SEMA3C: variants seen among roughly 807,000 people sequenced by gnomAD.
The protein encoded by SEMA3C is semaphorin-3C.
In SEMA3C, 47 loss-of-function variants were observed where a neutral mutation model predicts 89.4. That is an observed-to-expected ratio of 0.53 (90% confidence interval 0.42 to 0.67). SEMA3C has a LOEUF of 0.67. SEMA3C is among the 30% of genes least tolerant of loss of function. The pLI is 0.00. For missense variants in SEMA3C, 839 were observed against 929.1 expected (o/e 0.90, Z 1.26); for synonymous variants, 310 against 320.2 (o/e 0.97, Z 0.34).
chr7:80,786,861 T>C (rs973357166), intron 12 of SEMA3C, among the ~76,000 whole-genome samples: 5 of 152,252 alleles, frequency 3.3e-5, no homozygotes, highest in African/African-American at 4.8e-5. Context: ...AATACAAATA[T>C]GGGAGATTGG....
intron 2 of SEMA3C, among the ~76,000 whole-genome samples, chr7:80,846,022 T>A (rs905343766): frequency 1.3e-4 from 20 of 152,308 alleles, no homozygotes; most frequent in African/African-American, 4.8e-4. Flanking sequence ...AAATTTCATA[T>A]AGGTCATAGT....
chr7:80,827,390 GTGTTT>G, intron 4 of SEMA3C, 30 bp downstream of exon 4: 2 of 1,008,040 alleles, frequency 2.0e-6, no homozygotes, highest in Non-Finnish European at 2.7e-6. Context: ...ATTTAAGTTA[GTGTTT>G]TTTTTTTTTT....
intron 9 of SEMA3C, among the ~76,000 whole-genome samples, chr7:80,801,879 GT>G (rs1789217028): frequency 6.6e-6 from 1 of 151,982 alleles, no homozygotes. Context: ...CAACATAATG[GT>G]TTTTGATCAG....
intron 12 of SEMA3C, 49 bp downstream of exon 12, chr7:80,789,257 T>C: frequency 6.9e-7 from 1 of 1,449,428 alleles, no homozygotes; most frequent in Non-Finnish European, 9.5e-7. Context: ...CTATATTTAG[T>C]ACATTCTTTT....
chr7:80,777,057 G>A (rs910230070), intron 12 of SEMA3C, among the ~76,000 whole-genome samples: 4 of 151,738 alleles, frequency 2.6e-5, no homozygotes, highest in African/African-American at 9.7e-5. Context: ...CTAATCGCTA[G>A]GTTGTACACT....
chr7:80,842,570 C>T (rs1790294681), intron 2 of SEMA3C, among the ~76,000 whole-genome samples: 2 of 152,026 alleles, frequency 1.3e-5, no homozygotes, highest in Non-Finnish European at 2.9e-5. Context: ...AATGAGAAAC[C>T]ATGAGAAATC....
chr7:80,774,738 G>C (rs927455098), intron 12 of SEMA3C, among the ~76,000 whole-genome samples: 1 of 151,902 alleles, frequency 6.6e-6, no homozygotes, highest in Non-Finnish European at 1.5e-5. Context: ...GTTATCAAAC[G>C]GTCAACATAT....
At chr7:80,781,518 A>G (rs1331864569) in intron 12 of SEMA3C, among the ~76,000 whole-genome samples, 2 of 152,184 alleles carry the variant, frequency 1.3e-5, no homozygotes, top group African/African-American at 4.8e-5. Context: ...TCAATAAAAA[A>G]TTTTAAAAGC....
At chr7:80,792,957 A>G (rs1168000240) in intron 11 of SEMA3C, among the ~76,000 whole-genome samples, 1 of 152,234 alleles carries the variant, frequency 6.6e-6, no homozygotes, top group Non-Finnish European at 1.5e-5. Flanking sequence ...TTGCAAAATA[A>G]TAAAACATGT....
At chr7:80,906,033 G>T in intron 2 of SEMA3C, 1 of 442,120 alleles carries the variant, frequency 2.3e-6, no homozygotes, top group Non-Finnish European at 4.0e-6. Flanking sequence ...AGAGACAGAT[G>T]GACATAACAA....
At chr7:80,872,155 G>A (rs1273729689) in intron 2 of SEMA3C, among the ~76,000 whole-genome samples, 1 of 151,946 alleles carries the variant, frequency 6.6e-6, no homozygotes, top group East Asian at 1.9e-4. Flanking sequence ...ATCTCCTTTT[G>A]TTGTTGTTGT....
At chr7:80,857,244 T>C (rs1184428588) in intron 2 of SEMA3C, among the ~76,000 whole-genome samples, 1 of 152,164 alleles carries the variant, frequency 6.6e-6, no homozygotes, top group African/African-American at 2.4e-5. Context: ...GAAGAGCACA[T>C]AAACACTCTC....
At chr7:80,814,983 C>T (rs1438397327) in intron 5 of SEMA3C, among the ~76,000 whole-genome samples, 1 of 152,178 alleles carries the variant, frequency 6.6e-6, no homozygotes, top group African/African-American at 2.4e-5. Flanking sequence ...AGTGACAACA[C>T]AATTCTGTTC....
chr7:80,743,156 A>AC lies in SEMA3C; in HGVS notation c.*1737dup. The stretch of plus-strand genomic sequence containing the variant: ...TTAATTATACCTTTTAAGCAGGCAA[A>AC]CCATTATAATAAACTGCTTTAGAAA... On this transcript the variant is annotated 3_prime_UTR_variant, in exon 18 of 18. Coordinates refer to ENST00000265361, the MANE Select transcript of SEMA3C (RefSeq NM_006379.5). 1 of 152,032 alleles carries AC rather than the reference A, an allele frequency of 6.6e-6. No homozygotes were observed. Among genetic ancestry groups the AC allele is most frequent in the South Asian group, 2.1e-4 (1 of 4,826 alleles). The allele number at this position is 152,032 out of a possible 1,614,324, so 9.4% of individuals were successfully genotyped here.
Position 80,855,531 on chromosome 7 carries a change from C to T in SEMA3C, c.104-26786G>A, listed in dbSNP as rs1246050733. On this transcript the variant is annotated intron_variant, in intron 2 of 17. Coordinates refer to ENST00000265361, the MANE Select transcript of SEMA3C (RefSeq NM_006379.5). ...GCAATCCTCCTGCCTTGGCCTCCCACAGCACTGGGATTACAAGGTAAACCA... is the reference window on the plus strand; with the variant it reads ...GCAATCCTCCTGCCTTGGCCTCCCATAGCACTGGGATTACAAGGTAAACCA... Among the ~76,000 whole-genome samples, 7 of 152,238 alleles carry T rather than the reference C, an allele frequency of 4.6e-5. No individual in the cohort carries two copies. In the East Asian group the frequency reaches 1.4e-3, roughly 29 times the overall value.
At chr7:80,756,110 C>T (rs185542543) in intron 15 of SEMA3C, among the ~76,000 whole-genome samples, 20 of 152,292 alleles carry the variant, frequency 1.3e-4, no homozygotes, top group Middle Eastern at 6.8e-3. Flanking sequence ...ACTCAATATC[C>T]GTGTGTGAAC....
intron 4 of SEMA3C, among the ~76,000 whole-genome samples, chr7:80,826,355 T>C (rs1038978292): frequency 5.9e-5 from 9 of 152,182 alleles, no homozygotes; most frequent in Non-Finnish European, 4.4e-5. Flanking sequence ...GGTGGTCTAT[T>C]ACTTGTTATG....
At chr7:80,918,747 A>G in intron 1 of SEMA3C, 81 bp downstream of exon 1, 1 of 835,108 alleles carries the variant, frequency 1.2e-6, no homozygotes, top group South Asian at 5.5e-5. Context: ...GAGCATACCA[A>G]TGTATGAAAA....
intron 2 of SEMA3C, among the ~76,000 whole-genome samples, chr7:80,875,955 AT>A (rs1334494526): frequency 1.3e-5 from 2 of 152,074 alleles, no homozygotes; most frequent in Non-Finnish European, 1.5e-5. Flanking sequence ...AAAAAAAAAA[AT>A]GTGCTAGTTT....
Sources: allele counts gnomAD v4.1 joint callset (sites outside exome capture counted in the v4.1 genomes callset), GRCh38; gene constraint gnomAD v4.1.1; transcripts MANE v1.5; gene names NCBI Gene and HGNC (gene_info 2026-07-23, HGNC 2026-07-21).